HERC3: variants seen among roughly 807,000 people sequenced by gnomAD.
The protein encoded by HERC3 is HECT and RLD domain containing E3 ubiquitin protein ligase 3.
A neutral mutation model predicts 129.9 loss-of-function variants in HERC3; 58 were observed. That is an observed-to-expected ratio of 0.45 (90% CI 0.36 to 0.56). The LOEUF (loss-of-function observed/expected upper bound fraction) is 0.56, where lower values mean the gene tolerates loss of function less well. Ranked by LOEUF, HERC3 falls within the 20% of genes least tolerant of loss-of-function variation. The pLI, the probability that HERC3 is intolerant of heterozygous loss-of-function variation, is 0.00. For missense variants in HERC3, 835 were observed against 1,244.2 expected, an observed-to-expected ratio of 0.67 and a Z score of 4.95; for synonymous variants, 430 against 451.0, an observed-to-expected ratio of 0.95 and a Z score of 0.59.
Position 88,704,128 on chromosome 4 carries a change from T to C in HERC3, c.2688T>C (p.Tyr896=). 6.2e-7 allele frequency: 1 copy of C among 1,614,122 alleles called. No homozygotes were observed. The highest frequency in any genetic ancestry group is 8.5e-7 in the Non-Finnish European group (1 of 1,180,006). Residue 896 remains tyrosine, a synonymous_variant, in exon 24 of 26, where the codon TAT becomes TAC. Coordinates refer to ENST00000402738, the MANE Select transcript of HERC3 (RefSeq NM_014606.3). ...AATTTGTGGATGCTTATGTGAATTATGTCTTCCAAATCTCAGTTCATGAAT... is the reference window on the plus strand; with the variant it reads ...AATTTGTGGATGCTTATGTGAATTACGTCTTCCAAATCTCAGTTCATGAAT... ...RQEFVDAYVN[Y]VFQISVHEWY...
At chr4:88,662,702 A>AT in intron 11 of HERC3, 147 bp downstream of exon 11, 1 of 839,654 alleles carries the variant, frequency 1.2e-6, no homozygotes, top group East Asian at 2.8e-5. Flanking sequence ...TTTGGTTACT[A>AT]TTTCAGGGTT....
At chr4:88,538,735 G>A in the HERC3 span, among the ~76,000 whole-genome samples, 1 of 151,920 alleles carries the variant, frequency 6.6e-6, no homozygotes, top group Non-Finnish European at 1.5e-5. Flanking sequence ...AGTAGAGATG[G>A]GGTTTCACCG....
intron 9 of HERC3, among the ~76,000 whole-genome samples, chr4:88,658,092 A>G (rs183994913): frequency 2.0e-5 from 3 of 152,346 alleles, no homozygotes; most frequent in South Asian, 2.1e-4. Flanking sequence ...AATTGTTACC[A>G]TAAAGAATAG....
intron 3 of HERC3, among the ~76,000 whole-genome samples, chr4:88,640,337 A>G (rs144800453): frequency 2.6e-5 from 4 of 152,344 alleles, no homozygotes; most frequent in African/African-American, 7.2e-5. Context: ...ATGCCCATCA[A>G]TGATAGACTG....
chr4:88,529,920 G>A, the HERC3 span, among the ~76,000 whole-genome samples: 1 of 152,042 alleles, frequency 6.6e-6, no homozygotes, highest in Non-Finnish European at 1.5e-5. Context: ...CTATTGATTC[G>A]GTTCAGTAAA....
the HERC3 span, among the ~76,000 whole-genome samples, chr4:88,542,412 T>C: frequency 6.6e-6 from 1 of 152,174 alleles, no homozygotes; most frequent in Non-Finnish European, 1.5e-5. Flanking sequence ...AATCTCTGAA[T>C]AGACCAATAA....
chr4:88,637,793 A>G (rs927118824), intron 3 of HERC3, among the ~76,000 whole-genome samples: 1 of 152,230 alleles, frequency 6.6e-6, no homozygotes, highest in African/African-American at 2.4e-5. Flanking sequence ...CCTTCAAAAA[A>G]TCATTGAATC....
At chr4:88,660,489 C>A (rs1311291929) in intron 10 of HERC3, among the ~76,000 whole-genome samples, 2 of 152,196 alleles carry the variant, frequency 1.3e-5, no homozygotes, top group Non-Finnish European at 2.9e-5. Context: ...CAGGCGTGAT[C>A]CACCACGCCC....
intron 3 of HERC3, among the ~76,000 whole-genome samples, chr4:88,638,697 C>A (rs1190176616): frequency 6.6e-6 from 1 of 152,182 alleles, no homozygotes; most frequent in Non-Finnish European, 1.5e-5. Flanking sequence ...AGGATGCCAT[C>A]TTTCACCACT....
chr4:88,535,237 C>T, the HERC3 span, among the ~76,000 whole-genome samples: 2 of 152,204 alleles, frequency 1.3e-5, no homozygotes, highest in Non-Finnish European at 2.9e-5. Context: ...CAACCTTGAA[C>T]TTACACCTGG....
At position 88,678,132 on chromosome 4, in the gene HERC3, A is replaced by C. The variant is rs1476856491; in HGVS notation, c.2194A>C (p.Lys732Gln). ...HSDIDLKKPL[K>Q]VIFDGEEAVD... ...TGATATTGATTTGAAAAAGCCTCTC[A>C]AAGTGAGTTCCTTCAGGATATTCCT... The change falls in exon 19 of 26, where the codon AAA becomes CAA. Residue 732 changes from lysine (K) to glutamine (Q), a missense_variant and splice_region_variant. Coordinates refer to ENST00000402738, the MANE Select transcript of HERC3 (RefSeq NM_014606.3). The C allele has an allele frequency of 1.9e-6, 3 of 1,613,210 alleles. No homozygotes were observed. In the African/African-American group the frequency reaches 4.0e-5, roughly 22 times the overall value.
At chr4:88,540,026 T>G in the HERC3 span, among the ~76,000 whole-genome samples, 1 of 152,130 alleles carries the variant, frequency 6.6e-6, no homozygotes, top group Admixed American at 6.5e-5. Flanking sequence ...CCAGAGCACC[T>G]CTTCTCCTCC....
chr4:88,663,520 T>A (rs1399349667), intron 11 of HERC3, among the ~76,000 whole-genome samples: 1 of 152,204 alleles, frequency 6.6e-6, no homozygotes, highest in Non-Finnish European at 1.5e-5. Context: ...CTAAATTCTG[T>A]GATTAACAGA....
the HERC3 span, among the ~76,000 whole-genome samples, chr4:88,563,258 T>C: frequency 2.0e-5 from 3 of 152,214 alleles, no homozygotes; most frequent in Non-Finnish European, 2.9e-5. Context: ...TCTGTAGCTA[T>C]TGTAAATCAG....
chr4:88,706,990 C>T lies in HERC3; in HGVS notation c.*30C>T, dbSNP rs370187033. ...TCTCAGCTTGTCCAGTATTTCCCTT[C>T]GTTCCTCAGTGTCCACATTGAGGCC... On this transcript the variant is annotated 3_prime_UTR_variant, in exon 26 of 26. Coordinates refer to ENST00000402738, the MANE Select transcript of HERC3 (RefSeq NM_014606.3). The T allele has an allele frequency of 3.2e-6, 5 of 1,555,224 alleles. No homozygotes were observed. Among genetic ancestry groups the T allele is most frequent in the East Asian group, 2.2e-5 (1 of 44,618 alleles).
At chr4:88,690,759 C>T (rs1733992979) in intron 23 of HERC3, 1 of 250,928 alleles carries the variant, frequency 4.0e-6, no homozygotes, top group African/African-American at 2.3e-5. Context: ...CTTTCTGAGT[C>T]TGAATTTTTC....
intron 23 of HERC3, among the ~76,000 whole-genome samples, chr4:88,689,733 A>C (rs1202354654): frequency 6.6e-6 from 1 of 151,866 alleles, no homozygotes; most frequent in African/African-American, 2.4e-5. Context: ...GTGTACCACC[A>C]TGCCTGGCTA....
chr4:88,641,839 C>G (rs1415860814), intron 3 of HERC3, among the ~76,000 whole-genome samples: 1 of 152,082 alleles, frequency 6.6e-6, no homozygotes, highest in Non-Finnish European at 1.5e-5. Flanking sequence ...TTCCCCTTGG[C>G]CGGGCACGGT....
At chr4:88,607,277 A>G (rs552606630) in intron 3 of HERC3, among the ~76,000 whole-genome samples, 2 of 152,248 alleles carry the variant, frequency 1.3e-5, no homozygotes, top group East Asian at 1.9e-4. Flanking sequence ...TGATGTGAAT[A>G]TAAAGGTGCA....
Sources: allele counts gnomAD v4.1 joint callset (sites outside exome capture counted in the v4.1 genomes callset), GRCh38; gene constraint gnomAD v4.1.1; transcripts MANE v1.5; gene names NCBI Gene and HGNC (gene_info 2026-07-23, HGNC 2026-07-21).